Variants in GRIK2 observed in about 807,000 individuals in gnomAD.
GRIK2 encodes the protein glutamate receptor ionotropic, kainate 2.
In GRIK2, 32 loss-of-function variants were observed where a neutral mutation model predicts 100.3. That is an observed-to-expected ratio of 0.32 (90% CI 0.24 to 0.43). The LOEUF is 0.43. GRIK2 is among the 20% of genes least tolerant of loss of function. The pLI is 1.00. For synonymous variants in GRIK2, 417 were observed against 389.4 expected, an observed-to-expected ratio of 1.07 and a Z score of -0.83; for missense variants, 843 against 1,114.9, an observed-to-expected ratio of 0.76 and a Z score of 3.47.
intron 15 of GRIK2, among the ~76,000 whole-genome samples, chr6:102,041,840 G>A (rs1770596332): frequency 6.6e-6 from 1 of 151,360 alleles, no homozygotes; most frequent in South Asian, 2.1e-4. Context: ...TCTAATAATT[G>A]AAAGAATATG....
At chr6:101,848,790 C>G (rs1783950102) in intron 10 of GRIK2, among the ~76,000 whole-genome samples, 1 of 152,044 alleles carries the variant, frequency 6.6e-6, no homozygotes, top group South Asian at 2.1e-4. Context: ...ATCCCTTGAT[C>G]AAATCATACT....
At chr6:101,607,696 G>A (rs1779496765) in intron 2 of GRIK2, among the ~76,000 whole-genome samples, 2 of 151,894 alleles carry the variant, frequency 1.3e-5, no homozygotes, top group Non-Finnish European at 2.9e-5. Context: ...CCTCATGCTA[G>A]CAAGGCATAT....
chr6:101,728,757 T>C (rs1775051466), intron 7 of GRIK2, among the ~76,000 whole-genome samples: 2 of 152,086 alleles, frequency 1.3e-5, no homozygotes, highest in Non-Finnish European at 2.9e-5. Flanking sequence ...TGTTGATATT[T>C]ATCTGGATAT....
chr6:101,442,220 G>T (rs1256292367), intron 2 of GRIK2, among the ~76,000 whole-genome samples: 1 of 152,126 alleles, frequency 6.6e-6, no homozygotes, highest in African/African-American at 2.4e-5. Context: ...AAAAGATTAG[G>T]CTCACAGACA....
chr6:101,811,161 T>C lies in GRIK2; in HGVS notation c.1204-7209T>C, dbSNP rs910858167. On this transcript the variant is annotated intron_variant, in intron 9 of 16. Coordinates refer to ENST00000369134, the MANE Select transcript of GRIK2 (RefSeq NM_021956.5). ...GGCAACTCATTACTGGAAAGAAATT[T>C]CTTTAAGCAAACATATTCTAAGATG... Among the ~76,000 whole-genome samples the C allele has an allele frequency of 3.3e-5, 5 of 152,198 alleles. No individual in the cohort carries two copies. The East Asian group carries it at 9.7e-4, about 29-fold the overall frequency.
chr6:101,550,359 C>T (rs373604881), intron 2 of GRIK2, among the ~76,000 whole-genome samples: 2 of 152,112 alleles, frequency 1.3e-5, no homozygotes, highest in African/African-American at 4.8e-5. Context: ...TGTTCTCTTT[C>T]CTTTGAGAAA....
intron 14 of GRIK2, among the ~76,000 whole-genome samples, chr6:101,955,563 A>G (rs1248425947): frequency 7.4e-6 from 1 of 135,562 alleles, no homozygotes; most frequent in East Asian, 2.0e-4. Context: ...AGCCTGAGCA[A>G]CAGAGCAAGG....
intron 2 of GRIK2, among the ~76,000 whole-genome samples, chr6:101,482,055 A>G (rs1301587077): frequency 6.6e-6 from 1 of 151,826 alleles, no homozygotes; most frequent in South Asian, 2.1e-4. Flanking sequence ...AGTCAATTAA[A>G]CCTCTTTCCT....
chr6:101,974,000 G>A (rs907052143), intron 14 of GRIK2, among the ~76,000 whole-genome samples: 8 of 151,762 alleles, frequency 5.3e-5, no homozygotes, highest in African/African-American at 1.2e-4. Context: ...TATATGACTC[G>A]TACAATTGGT....
chr6:101,697,202 T>C (rs1462122400), intron 7 of GRIK2, among the ~76,000 whole-genome samples: 1 of 152,036 alleles, frequency 6.6e-6, no homozygotes, highest in Non-Finnish European at 1.5e-5. Flanking sequence ...AGTTATATTA[T>C]TGCCTCCTCT....
At chr6:102,012,303 T>A (rs1795590121) in intron 14 of GRIK2, among the ~76,000 whole-genome samples, 1 of 152,124 alleles carries the variant, frequency 6.6e-6, no homozygotes, top group African/African-American at 2.4e-5. Context: ...TGTTCTTCCC[T>A]TTTTTTATTT....
intron 14 of GRIK2, among the ~76,000 whole-genome samples, chr6:101,952,665 C>T (rs1190981364): frequency 1.3e-5 from 2 of 151,460 alleles, no homozygotes; most frequent in African/African-American, 4.9e-5. Context: ...TGCAGTGGCA[C>T]GATCTTGGCT....
intron 4 of GRIK2, among the ~76,000 whole-genome samples, chr6:101,654,297 C>T (rs1243227545): frequency 2.6e-5 from 4 of 151,996 alleles, no homozygotes; most frequent in Admixed American, 2.6e-4. Context: ...GATGTTTGTT[C>T]CTATTTTATT....
intron 4 of GRIK2, among the ~76,000 whole-genome samples, chr6:101,635,743 T>C (rs1241138737): frequency 6.6e-6 from 1 of 152,034 alleles, no homozygotes; most frequent in Non-Finnish European, 1.5e-5. Flanking sequence ...AACAAACATA[T>C]GAAAAAAAGC....
intron 16 of GRIK2, 147 bp from the exon 17 acceptor site, chr6:102,068,200 G>T: frequency 1.7e-6 from 1 of 587,424 alleles, no homozygotes. Flanking sequence ...TTTAAAGTGT[G>T]ACATTTGTTA....
chr6:101,627,391 C>T (rs1780515453), intron 4 of GRIK2, among the ~76,000 whole-genome samples: 1 of 152,212 alleles, frequency 6.6e-6, no homozygotes, highest in Non-Finnish European at 1.5e-5. Flanking sequence ...ATTCACCTGC[C>T]TTGGCTTCCC....
At chr6:101,950,325 G>C (rs1420599512) in intron 14 of GRIK2, among the ~76,000 whole-genome samples, 2 of 152,104 alleles carry the variant, frequency 1.3e-5, no homozygotes, top group Non-Finnish European at 2.9e-5. Flanking sequence ...AATCTTTGGT[G>C]AGAGGAATTT....
chr6:101,756,158 G>A lies in GRIK2; in HGVS notation c.952-43490G>A, dbSNP rs557246805. Among the ~76,000 whole-genome samples the A allele has an allele frequency of 3.3e-5, 5 of 152,286 alleles. No homozygotes were observed. The South Asian group carries it at 1.0e-3, about 32-fold the overall frequency. ...ACAGTTTCAGACAAGATGAGCAGAA[G>A]AGGTAAGTTTCCCTAAGGGAGTAGT... On this transcript the variant is annotated intron_variant, in intron 7 of 16. Coordinates refer to ENST00000369134, the MANE Select transcript of GRIK2 (RefSeq NM_021956.5).
chr6:101,679,648 T>A (rs950129333), intron 5 of GRIK2, among the ~76,000 whole-genome samples: 16 of 152,180 alleles, frequency 1.1e-4, no homozygotes, highest in Admixed American at 6.5e-5. Flanking sequence ...TATTAACTAA[T>A]CTTTTAAGAG....
Sources: gnomAD v4.1 joint callset for allele counts (sites outside exome capture counted in the v4.1 genomes callset) on GRCh38, gnomAD v4.1.1 for gene constraint, MANE v1.5 for transcripts, NCBI Gene and HGNC (gene_info 2026-07-23, HGNC 2026-07-21) for gene names.